MDGA2: variants seen among roughly 807,000 people sequenced by gnomAD.
MDGA2 encodes the protein MAM domain containing glycosylphosphatidylinositol anchor 2.
In MDGA2, 40 loss-of-function variants were observed where a neutral mutation model predicts 117.8. The observed-to-expected ratio is 0.34, with a 90% confidence interval of 0.26 to 0.44. The LOEUF is 0.44. Among genes scored for constraint, MDGA2 ranks in the 20% least tolerant of loss-of-function variants. The pLI is 1.00. For synonymous variants in MDGA2, 452 were observed against 439.0 expected (o/e 1.03, Z -0.37); for missense variants, 1,123 against 1,250.6 (o/e 0.90, Z 1.54).
intron 3 of MDGA2, among the ~76,000 whole-genome samples, chr14:47,181,462 T>A (rs1346377696): frequency 1.3e-5 from 2 of 149,876 alleles, no homozygotes; most frequent in African/African-American, 4.9e-5. Context: ...ACAAATGAGA[T>A]CATGTCCTTT....
At position 47,194,391 on chromosome 14, in the gene MDGA2, G is replaced by A. The variant is rs976042707; in HGVS notation, c.595+23630C>T. Among the ~76,000 whole-genome samples the A allele has an allele frequency of 3.9e-5, 6 of 152,102 alleles. No homozygotes were observed. The South Asian group carries it at 6.2e-4, about 16-fold the overall frequency. On this transcript the variant is annotated intron_variant, in intron 3 of 16. Transcript: ENST00000399232. ...CATAGACAAATTTAATCATCAGCAC[G>A]TTTTCAGTGAAGAATTGTAGTAAAT...
chr14:47,006,964 G>A (rs549964236), intron 8 of MDGA2, among the ~76,000 whole-genome samples: 1 of 151,764 alleles, frequency 6.6e-6, no homozygotes, highest in South Asian at 2.1e-4. Flanking sequence ...GCTAATTTAA[G>A]CAATGTTCTT....
At chr14:47,083,217 T>C (rs1890772226) in intron 6 of MDGA2, among the ~76,000 whole-genome samples, 1 of 151,970 alleles carries the variant, frequency 6.6e-6, no homozygotes, top group Admixed American at 6.6e-5. Context: ...AATCCACATA[T>C]TCAAGAAGCT....
At chr14:47,083,551 A>G (rs1404234551) in intron 6 of MDGA2, among the ~76,000 whole-genome samples, 2 of 152,042 alleles carry the variant, frequency 1.3e-5, no homozygotes, top group Non-Finnish European at 2.9e-5. Flanking sequence ...GAGAATTGGA[A>G]ACAGAAGGTA....
At chr14:47,035,554 A>G (rs185152560) in intron 7 of MDGA2, among the ~76,000 whole-genome samples, 159 of 152,344 alleles carry the variant, frequency 1.0e-3, no homozygotes, top group African/African-American at 3.7e-3. Flanking sequence ...AAAATGGTTA[A>G]TATAAGAATA....
chr14:46,860,321 A>G (rs189800726), intron 14 of MDGA2, among the ~76,000 whole-genome samples: 1 of 152,098 alleles, frequency 6.6e-6, no homozygotes, highest in African/African-American at 2.4e-5. Flanking sequence ...AAAATATTCA[A>G]CTAAGGTTTC....
chr14:47,249,139 C>G (rs905083583), intron 2 of MDGA2, among the ~76,000 whole-genome samples: 1 of 151,584 alleles, frequency 6.6e-6, no homozygotes, highest in Admixed American at 6.6e-5. Flanking sequence ...TGCCTCAGCC[C>G]CCCGAGTAGA....
chr14:47,669,347 T>C (rs1309031521), intron 1 of MDGA2, among the ~76,000 whole-genome samples: 1 of 152,228 alleles, frequency 6.6e-6, no homozygotes, highest in Admixed American at 6.5e-5. Context: ...AATTATTTCA[T>C]CTCTAAACTT....
At chr14:47,106,215 T>C (rs1880665206) in intron 5 of MDGA2, among the ~76,000 whole-genome samples, 1 of 152,100 alleles carries the variant, frequency 6.6e-6, no homozygotes, top group South Asian at 2.1e-4. Context: ...ATACATTTTA[T>C]TACCCAATCT....
chr14:47,533,690 G>A (rs561837861), intron 1 of MDGA2, among the ~76,000 whole-genome samples: 1 of 152,066 alleles, frequency 6.6e-6, no homozygotes, highest in Admixed American at 6.6e-5. Context: ...ACTGTGTCAC[G>A]GTATCCTCCT....
At chr14:47,194,974 A>G (rs1260278793) in intron 3 of MDGA2, among the ~76,000 whole-genome samples, 2 of 152,032 alleles carry the variant, frequency 1.3e-5, no homozygotes, top group East Asian at 1.9e-4. Context: ...CTTATTTTAT[A>G]TATTCTGGAA....
At chr14:47,005,352 A>C (rs1470172941) in intron 8 of MDGA2, among the ~76,000 whole-genome samples, 1 of 151,562 alleles carries the variant, frequency 6.6e-6, no homozygotes, top group Non-Finnish European at 1.5e-5. Context: ...TTTTGGGGGC[A>C]CTTATTGAAA....
chr14:46,933,799 A>AATATAT lies in MDGA2; in HGVS notation c.2090-13645_2090-13640dup, dbSNP rs34723414. Among the ~76,000 whole-genome samples, 191 of 87,202 alleles carry AATATAT rather than the reference A, an allele frequency of 2.2e-3. 4 individuals are homozygous for AATATAT. The highest frequency in any genetic ancestry group is 3.1e-3 in the Non-Finnish European group (134 of 42,662). 57.2% of individuals were successfully genotyped at this position (87,202 alleles called of 152,430 possible). ...CAAAGTTCTACTGGTTTATGTAACA[A>AATATAT]ATATATATATATATATATATATATA... On this transcript the variant is annotated intron_variant, in intron 9 of 16. Transcript: ENST00000399232.
intron 1 of MDGA2, among the ~76,000 whole-genome samples, chr14:47,353,382 A>C (rs552263336): frequency 1.3e-5 from 2 of 152,334 alleles, no homozygotes; most frequent in African/African-American, 4.8e-5. Flanking sequence ...TGGTCACTAC[A>C]GTTGCTGCTG....
chr14:47,621,592 T>C (rs1380532700), intron 1 of MDGA2, among the ~76,000 whole-genome samples: 3 of 152,134 alleles, frequency 2.0e-5, no homozygotes, highest in Non-Finnish European at 4.4e-5. Flanking sequence ...CATCAAAACA[T>C]GGGCATTAGG....
chr14:47,295,688 G>A (rs937719600), intron 2 of MDGA2, among the ~76,000 whole-genome samples: 10 of 152,086 alleles, frequency 6.6e-5, no homozygotes, highest in African/African-American at 1.9e-4. Flanking sequence ...CGAATCACCC[G>A]AGGTCAGGAG....
intron 8 of MDGA2, among the ~76,000 whole-genome samples, chr14:46,975,337 A>C (rs1886415004): frequency 6.6e-6 from 1 of 152,132 alleles, no homozygotes; most frequent in Non-Finnish European, 1.5e-5. Flanking sequence ...CAGGGATTCT[A>C]CTTCTAAGTG....
chr14:47,615,289 A>AT (rs1181100247), intron 1 of MDGA2, among the ~76,000 whole-genome samples: 2 of 152,190 alleles, frequency 1.3e-5, no homozygotes, highest in East Asian at 3.8e-4. Context: ...CAAAATAGTG[A>AT]TTTTAACCAT....
At chr14:47,509,347 A>G (rs1453740946) in intron 1 of MDGA2, among the ~76,000 whole-genome samples, 2 of 152,244 alleles carry the variant, frequency 1.3e-5, no homozygotes, top group African/African-American at 2.4e-5. Context: ...TTTGGAGATC[A>G]TAAGTGGTTA....
Sources: allele counts gnomAD v4.1 joint callset (sites outside exome capture counted in the v4.1 genomes callset), GRCh38; gene constraint gnomAD v4.1.1; transcripts MANE v1.5; gene names NCBI Gene and HGNC (gene_info 2026-07-23, HGNC 2026-07-21).